FILIP1L: variants seen among roughly 807,000 people sequenced by gnomAD.
The protein encoded by FILIP1L is filamin A-interacting protein 1-like.
A neutral mutation model predicts 96.6 loss-of-function variants in FILIP1L; 55 were observed. That is an observed-to-expected ratio of 0.57 (90% confidence interval 0.46 to 0.71). The LOEUF (loss-of-function observed/expected upper bound fraction) is 0.71, where lower values mean the gene tolerates loss of function less well. FILIP1L is among the 30% of genes least tolerant of loss of function. The pLI, the probability that FILIP1L is intolerant of heterozygous loss-of-function variation, is 0.00. For synonymous variants in FILIP1L, 467 were observed against 473.9 expected (o/e 0.99, Z 0.19); for missense variants, 1,304 against 1,321.2 (o/e 0.99, Z 0.20).
At chr3:100,058,279 A>G (rs182880763) in intron 1 of FILIP1L, among the ~76,000 whole-genome samples, 19 of 152,372 alleles carry the variant, frequency 1.2e-4, no homozygotes, top group Middle Eastern at 3.4e-3. Flanking sequence ...GGCACGGAAC[A>G]GAGTTGGAGA....
chr3:99,938,126 T>G (rs529521381), intron 1 of FILIP1L, among the ~76,000 whole-genome samples: 1 of 152,244 alleles, frequency 6.6e-6, no homozygotes, highest in African/African-American at 2.4e-5. Context: ...GGAAGAAATG[T>G]TAGATCCACG....
intron 1 of FILIP1L, among the ~76,000 whole-genome samples, chr3:100,039,375 A>G (rs898502001): frequency 3.9e-5 from 6 of 152,228 alleles, no homozygotes; most frequent in Non-Finnish European, 8.8e-5. Context: ...ATGAAATATA[A>G]TCTATGATTA....
In FILIP1L at chr3:99,847,592, A is replaced by G. The variant is rs1019784169; in HGVS notation, c.3381+703T>C. On this transcript the variant is annotated intron_variant, in intron 5 of 5. Coordinates refer to ENST00000477258, the MANE Select transcript of FILIP1L (RefSeq NM_001387850.1). ...CTCATGAAAACCAAAATTATTCGGT[A>G]GTATTTTATTTCATTATTATAAACA... 5.3e-5 allele frequency among the ~76,000 whole-genome samples: 8 copies of G among 152,214 alleles called. No individual in the cohort carries two copies. In the East Asian group the frequency reaches 5.8e-4, roughly 11 times the overall value.
chr3:100,053,232 T>A (rs535835985), intron 1 of FILIP1L, among the ~76,000 whole-genome samples: 1 of 152,202 alleles, frequency 6.6e-6, no homozygotes, highest in African/African-American at 2.4e-5. Context: ...CATAACAGAT[T>A]ACCACAAATT....
chr3:99,844,980 T>C (rs1176308071), intron 5 of FILIP1L, among the ~76,000 whole-genome samples: 1 of 152,160 alleles, frequency 6.6e-6, no homozygotes, highest in East Asian at 1.9e-4. Flanking sequence ...TCTTGATAAA[T>C]TACCCAGTCT....
intron 1 of FILIP1L, among the ~76,000 whole-genome samples, chr3:100,076,428 T>C (rs1034372357): frequency 6.6e-6 from 1 of 152,238 alleles, no homozygotes; most frequent in Non-Finnish European, 1.5e-5. Context: ...TTTATCATTG[T>C]CAGCATGTGC....
chr3:100,088,205 C>T (rs1175602354), intron 1 of FILIP1L, among the ~76,000 whole-genome samples: 1 of 152,122 alleles, frequency 6.6e-6, no homozygotes, highest in African/African-American at 2.4e-5. Flanking sequence ...ATGGAAAAGG[C>T]AGTGAAACAG....
intron 1 of FILIP1L, among the ~76,000 whole-genome samples, chr3:100,059,389 T>C (rs1020748771): frequency 3.3e-5 from 5 of 152,244 alleles, no homozygotes; most frequent in Non-Finnish European, 1.5e-5. Context: ...TGGCTTGCTT[T>C]TAGCCTCATC....
At chr3:99,949,861 C>A (rs1354892102) in intron 1 of FILIP1L, among the ~76,000 whole-genome samples, 1 of 152,162 alleles carries the variant, frequency 6.6e-6, no homozygotes, top group Non-Finnish European at 1.5e-5. Flanking sequence ...AAATCCATCA[C>A]AATTATTACC....
intron 4 of FILIP1L, among the ~76,000 whole-genome samples, chr3:99,863,888 C>T (rs1258237102): frequency 6.6e-6 from 1 of 152,170 alleles, no homozygotes; most frequent in Non-Finnish European, 1.5e-5. Context: ...AAGTAGCTTA[C>T]AAACACTGTT....
chr3:100,022,853 A>G (rs2064851011), intron 1 of FILIP1L, among the ~76,000 whole-genome samples: 1 of 152,180 alleles, frequency 6.6e-6, no homozygotes, highest in Non-Finnish European at 1.5e-5. Flanking sequence ...TAGAGTCAGA[A>G]TATTCAAAGT....
rs116757733 is a variant in FILIP1L, at chr3:99,889,036, A to T, written c.605+35194T>A. 4.5e-3 allele frequency among the ~76,000 whole-genome samples: 687 copies of T among 152,218 alleles called. 7 individuals carry two copies. Among genetic ancestry groups the T allele is most frequent in the African/African-American group, 0.016 (673 of 41,530 alleles). On this transcript the variant is annotated intron_variant, in intron 4 of 5. Transcript: ENST00000477258. ...AAGGTTTGTTTCATGGCCTCACTAC[A>T]TGGTTACTTTTTGTTCAGGTTCTCT...
At position 99,987,975 on chromosome 3, in the gene FILIP1L, CT is replaced by C. The variant is rs1221598422; in HGVS notation, c.-10-56946del. Reference sequence around the variant, plus strand: ...GTTCTTCCAGGCCATCATTCTGTTTCTTAAGAATAGCTCTTTTTTCTCTAAT... The same window carrying C: ...GTTCTTCCAGGCCATCATTCTGTTTCTAAGAATAGCTCTTTTTTCTCTAAT... On this transcript the variant is annotated intron_variant, in intron 1 of 5. Coordinates refer to ENST00000477258, the MANE Select transcript of FILIP1L (RefSeq NM_001387850.1). Among the ~76,000 whole-genome samples the C allele has an allele frequency of 3.3e-5, 5 of 152,252 alleles. 1 individual carries two copies. Among genetic ancestry groups the C allele is most frequent in the African/African-American group, 9.6e-5 (4 of 41,560 alleles).
At chr3:99,899,437 C>G (rs1372820830) in intron 4 of FILIP1L, among the ~76,000 whole-genome samples, 1 of 152,134 alleles carries the variant, frequency 6.6e-6, no homozygotes, top group African/African-American at 2.4e-5. Flanking sequence ...ATTATTCTAC[C>G]TAAATCTTTT....
chr3:100,091,126 A>G (rs531153710), intron 1 of FILIP1L, among the ~76,000 whole-genome samples: 1 of 151,950 alleles, frequency 6.6e-6, no homozygotes, highest in Non-Finnish European at 1.5e-5. Flanking sequence ...TCTACTAAAA[A>G]TACAAAAACT....
chr3:100,090,422 T>G (rs2066083582), intron 1 of FILIP1L, among the ~76,000 whole-genome samples: 1 of 152,204 alleles, frequency 6.6e-6, no homozygotes, highest in Non-Finnish European at 1.5e-5. Context: ...TCCTCTACCT[T>G]ATAACATTTT....
At chr3:99,911,359 GTATTAT>G (rs1260901768) in intron 4 of FILIP1L, among the ~76,000 whole-genome samples, 3 of 149,864 alleles carry the variant, frequency 2.0e-5, no homozygotes, top group Non-Finnish European at 3.0e-5. Context: ...AAAATAATAA[GTATTAT>G]TATTGTTAAG....
At chr3:100,041,804 C>T (rs920268330) in intron 1 of FILIP1L, among the ~76,000 whole-genome samples, 4 of 152,132 alleles carry the variant, frequency 2.6e-5, no homozygotes, top group African/African-American at 9.7e-5. Context: ...GAAAGGATAA[C>T]TCATGTTGTG....
At chr3:99,895,966 G>C (rs1002301486) in intron 4 of FILIP1L, among the ~76,000 whole-genome samples, 1 of 152,194 alleles carries the variant, frequency 6.6e-6, no homozygotes, top group African/African-American at 2.4e-5. Context: ...TCTTTTTGTA[G>C]AGGAGACATG....
Sources: gnomAD v4.1 joint callset for allele counts (sites outside exome capture counted in the v4.1 genomes callset) on GRCh38, gnomAD v4.1.1 for gene constraint, MANE v1.5 for transcripts, NCBI Gene and HGNC (gene_info 2026-07-23, HGNC 2026-07-21) for gene names.